The following DNAH17 variants were observed in gnomAD, a reference collection of about 807,000 sequenced individuals.
DNAH17 encodes the protein dynein axonemal heavy chain 17, also known as axonemal beta dynein heavy chain 17.
DNAH17 carries 376 observed loss-of-function variants against 485.6 expected under a neutral mutation model. The ratio of observed to expected loss-of-function variants is 0.77; its 90% confidence interval spans 0.71 to 0.84. DNAH17 has a LOEUF of 0.84. Among genes scored for constraint, DNAH17 ranks in the 40% least tolerant of loss-of-function variants. The pLI is 0.00. For missense variants in DNAH17, 6,370 were observed against 5,839.3 expected (o/e 1.09, Z -2.96); for synonymous variants, 3,031 against 2,405.9 (o/e 1.26, Z -7.60).
chr17:78,516,761 A>G (rs1001039270), intron 25 of DNAH17, among the ~76,000 whole-genome samples: 2 of 151,874 alleles, frequency 1.3e-5, no homozygotes, highest in Non-Finnish European at 2.9e-5. Context: ...AAGTATCAAG[A>G]GGCCTTCAAT....
rs1395052040 is a variant in DNAH17 at position 78,425,228 on chromosome 17, T to C, written c.13141+118A>G. The C allele has an allele frequency of 5.2e-5, 53 of 1,020,420 alleles. 1 individual carries two copies. The highest frequency in any genetic ancestry group is 2.2e-4 in the Middle Eastern group (1 of 4,618). The allele number at this position is 1,020,420 out of a possible 1,614,324, so 63.2% of individuals were successfully genotyped here. A position where few individuals can be genotyped will look rare whatever the true frequency, so the allele number is the denominator to read the frequency against. ...CTGATGCCCCCTGAGAGCACCTCTC[T>C]CCTGCCTGTCCCCACAGCTCTTGAA... On this transcript the variant is annotated intron_variant, in intron 80 of 80. Coordinates refer to ENST00000389840, the MANE Select transcript of DNAH17 (RefSeq NM_173628.4).
chr17:78,490,559 G>T, intron 44 of DNAH17, 140 bp downstream of exon 44: 1 of 1,252,128 alleles, frequency 8.0e-7, no homozygotes, highest in Non-Finnish European at 1.1e-6. Context: ...CCCCTTCACT[G>T]CTGTGACACT....
intron 2 of DNAH17, among the ~76,000 whole-genome samples, chr17:78,573,710 A>G (rs1444613334): frequency 2.6e-5 from 4 of 152,034 alleles, no homozygotes; most frequent in South Asian, 4.2e-4. Flanking sequence ...GGCCGACCAC[A>G]TGAGGACCCA....
intron 56 of DNAH17, 103 bp downstream of exon 56, chr17:78,466,552 C>T (rs920456876): frequency 1.7e-6 from 2 of 1,200,708 alleles, no homozygotes; most frequent in Admixed American, 7.0e-5. Context: ...CCTCACTTGG[C>T]TCACCCTAAT....
Position 78,431,535 on chromosome 17 carries a change from CGTTCCATCAGACTTTTGT to C in DNAH17, c.12226-2253_12226-2236del, listed in dbSNP as rs374758799. On this transcript the variant is annotated intron_variant, in intron 75 of 80. Coordinates refer to ENST00000389840, the MANE Select transcript of DNAH17 (RefSeq NM_173628.4). ...CAGGTTGCTCTGTGTTTCAAAGCAA[CGTTCCATCAGACTTTTGT>C]GTTCCGTTCGCATGGGAATCCCTGA... Among the ~76,000 whole-genome samples, 709 of 151,700 alleles carry C rather than the reference CGTTCCATCAGACTTTTGT, an allele frequency of 4.7e-3. 7 individuals are homozygous for C. The highest frequency in any genetic ancestry group is 0.016 in the African/African-American group (662 of 41,314).
intron 57 of DNAH17, 49 bp from the exon 58 acceptor site, chr17:78,461,757 C>A (rs1030212855): frequency 6.4e-7 from 1 of 1,569,556 alleles, no homozygotes; most frequent in Non-Finnish European, 8.6e-7. Context: ...GCAGCCGACA[C>A]ACGCCGCCCT....
intron 26 of DNAH17, among the ~76,000 whole-genome samples, chr17:78,511,032 C>T (rs1462751963): frequency 2.0e-5 from 3 of 152,198 alleles, no homozygotes; most frequent in African/African-American, 4.8e-5. Flanking sequence ...AAGGACCCTC[C>T]CCCGGAGCCT....
chr17:78,541,415 G>A (rs1012088671), intron 17 of DNAH17, among the ~76,000 whole-genome samples: 7 of 150,814 alleles, frequency 4.6e-5, no homozygotes, highest in Non-Finnish European at 8.9e-5. Context: ...ATGGTTGGAT[G>A]GATGGATGAA....
In DNAH17 at chr17:78,537,191, G is replaced by GAAACA. The variant is rs1555686720; in HGVS notation, c.2859+107_2859+108insTGTTT. ...AGATTCCGTCTCAAAAAAAAAAAAA[G>GAAACA]AAAAAAAGAAAAGGTAAACGGCGAA... On this transcript the variant is annotated intron_variant, in intron 19 of 80. Coordinates refer to ENST00000389840, the MANE Select transcript of DNAH17 (RefSeq NM_173628.4). The GAAACA allele has an allele frequency of 1.6e-3, 1,837 of 1,175,430 alleles. 10 individuals are homozygous for GAAACA. The highest frequency in any genetic ancestry group is 1.7e-3 in the Non-Finnish European group (1,433 of 861,610). 72.8% of individuals were successfully genotyped at this position (1,175,430 alleles called of 1,614,324 possible).
Position 78,485,745 on chromosome 17 carries a change from G to A in DNAH17, c.7288C>T (p.His2430Tyr), listed in dbSNP as rs765418705. 8 of 1,613,738 alleles carry A rather than the reference G, an allele frequency of 5.0e-6. No individual in the cohort carries two copies. Among genetic ancestry groups the A allele is most frequent in the African/African-American group, 2.7e-5 (2 of 74,854 alleles). The change falls in exon 47 of 81, where the codon CAC becomes TAC. Residue 2430 changes from histidine (H) to tyrosine (Y), a missense_variant. Coordinates refer to ENST00000389840, the MANE Select transcript of DNAH17 (RefSeq NM_173628.4). ...CGGATGCGGATGGTTTCCGTGGTGT[G>A]GACCAAAGAGGCCTGGGGCAGGGGA... ...PDVPLQASLV[H>Y]TTETIRIRYF... is the part of the protein sequence containing the mutation.
At chr17:78,439,032 C>A in intron 73 of DNAH17, 58 bp downstream of exon 73, 1 of 1,576,706 alleles carries the variant, frequency 6.3e-7, no homozygotes, top group Non-Finnish European at 8.6e-7. Flanking sequence ...TCTGGCCCAT[C>A]CCCATTGGCC....
At chr17:78,476,437 G>A (rs997143301) in intron 52 of DNAH17, 135 bp downstream of exon 52, 5 of 1,061,984 alleles carry the variant, frequency 4.7e-6, no homozygotes, top group African/African-American at 1.6e-5. Flanking sequence ...GAATGATCGC[G>A]TGGAACCTAA....
At chr17:78,466,328 G>A (rs969170793) in intron 56 of DNAH17, among the ~76,000 whole-genome samples, 39 of 152,066 alleles carry the variant, frequency 2.6e-4, no homozygotes, top group African/African-American at 9.2e-4. Context: ...CTCTGCCTAG[G>A]AAAACCAGAG....
At chr17:78,547,798 A>G (rs1029960537) in intron 16 of DNAH17, among the ~76,000 whole-genome samples, 1 of 152,046 alleles carries the variant, frequency 6.6e-6, no homozygotes, top group African/African-American at 2.4e-5. Context: ...TTGTATTTTT[A>G]GTAGAGACAG....
intron 74 of DNAH17, among the ~76,000 whole-genome samples, chr17:78,435,857 G>A (rs778926037): frequency 1.3e-5 from 2 of 152,192 alleles, no homozygotes; most frequent in Admixed American, 6.5e-5. Flanking sequence ...GTATCCTCGC[G>A]CCCCTCAGCA....
intron 22 of DNAH17, among the ~76,000 whole-genome samples, chr17:78,527,442 G>T (rs1172365522): frequency 6.6e-6 from 1 of 152,158 alleles, no homozygotes; most frequent in Non-Finnish European, 1.5e-5. Flanking sequence ...ATTGACATTG[G>T]TGTCTCTGTT....
intron 32 of DNAH17, 44 bp from the exon 33 acceptor site, chr17:78,502,742 T>G: frequency 6.3e-7 from 1 of 1,599,768 alleles, no homozygotes. Flanking sequence ...GAGCGATCGC[T>G]GGCGCCTGCT....
At chr17:78,481,820 G>A (rs1432211771) in intron 48 of DNAH17, among the ~76,000 whole-genome samples, 2 of 152,064 alleles carry the variant, frequency 1.3e-5, no homozygotes, top group Non-Finnish European at 2.9e-5. Flanking sequence ...ATCAAGATCA[G>A]CCTGGCTAGC....
Position 78,460,018 on chromosome 17 carries a change from G to A in DNAH17, c.9436-17C>T, listed in dbSNP as rs369662339. 3.7e-6 allele frequency: 6 copies of A among 1,611,880 alleles called. No individual in the cohort carries two copies. The African/African-American group carries it at 4.0e-5, about 11-fold the overall frequency. On this transcript the variant is annotated splice_polypyrimidine_tract_variant and intron_variant, in intron 59 of 80. Transcript: ENST00000389840. ...CAGGTTGTTCTGCAAATGACAGACG[G>A]GATGGGTCCGATGGGAGTTTGGACC...
Sources: gnomAD v4.1 joint callset for allele counts (sites outside exome capture counted in the v4.1 genomes callset) on GRCh38, gnomAD v4.1.1 for gene constraint, MANE v1.5 for transcripts, NCBI Gene and HGNC (gene_info 2026-07-23, HGNC 2026-07-21) for gene names.